Variants in AVEN observed in about 807,000 individuals in gnomAD.
AVEN encodes cell death regulator Aven.
A neutral mutation model predicts 38.1 loss-of-function variants in AVEN; 41 were observed. That is an observed-to-expected ratio of 1.08 (90% CI 0.84 to 1.40). AVEN has a LOEUF of 1.40. Among genes scored for constraint, AVEN ranks in the 40% most tolerant of loss-of-function variants. The probability of loss-of-function intolerance (pLI) is 0.00; values close to 1 mark genes in which losing one functional copy is unlikely to be tolerated. For missense variants in AVEN, 605 were observed against 438.8 expected, an observed-to-expected ratio of 1.38 and a Z score of -3.38; for synonymous variants, 206 against 171.8, an observed-to-expected ratio of 1.20 and a Z score of -1.56.
At chr15:33,857,945 ACCCACTGCGGGGCCACCCCG>A (rs750729799), downstream of AVEN, 12 of 1,461,390 alleles carry the variant, frequency 8.2e-6, no homozygotes, top group Admixed American at 1.2e-4. Context: ...GGGCCAGCCC[ACCCACTGCGGGGCCACCCCG>A]CCCCACCACC....
At chr15:33,896,593 C>A (rs1045988413) in intron 2 of AVEN, among the ~76,000 whole-genome samples, 3 of 152,120 alleles carry the variant, frequency 2.0e-5, no homozygotes, top group Non-Finnish European at 2.9e-5. Flanking sequence ...ACACCCACCA[C>A]GGCCAATTTC....
intron 5 of AVEN, among the ~76,000 whole-genome samples, chr15:34,050,865 C>T (rs1242931630): frequency 6.6e-6 from 1 of 152,152 alleles, no homozygotes; most frequent in Non-Finnish European, 1.5e-5. Flanking sequence ...TTCTTAGAGA[C>T]CTACAAAGAG....
downstream of AVEN, chr15:33,854,758 A>G (rs761999537): frequency 4.4e-6 from 7 of 1,592,434 alleles, no homozygotes; most frequent in Non-Finnish European, 6.0e-6. Flanking sequence ...GCTTTCTTCC[A>G]TTCCCAGTCC....
intron 2 of AVEN, among the ~76,000 whole-genome samples, chr15:33,953,819 C>T (rs1021786445): frequency 6.6e-6 from 1 of 152,150 alleles, no homozygotes; most frequent in Non-Finnish European, 1.5e-5. Flanking sequence ...GGCTTCTGCA[C>T]AGCAAAAGAA....
chr15:34,056,434 C>CT (rs1900152889), intron 5 of AVEN, among the ~76,000 whole-genome samples: 1 of 152,168 alleles, frequency 6.6e-6, no homozygotes, highest in South Asian at 2.1e-4. Context: ...CTGAGAAAGG[C>CT]TAGATAAGCT....
chr15:33,912,245 A>T (rs1892944598), intron 2 of AVEN, among the ~76,000 whole-genome samples: 1 of 152,048 alleles, frequency 6.6e-6, no homozygotes, highest in South Asian at 2.1e-4. Context: ...AAGAGGCATA[A>T]ATATTAGTGC....
At chr15:33,887,354 A>C (rs536520482) in intron 2 of AVEN, among the ~76,000 whole-genome samples, 164 of 152,300 alleles carry the variant, frequency 1.1e-3, no homozygotes, top group African/African-American at 3.8e-3. Flanking sequence ...CAGACTTCTC[A>C]AACTGGAATT....
chr15:33,970,353 T>C (rs1359273044), intron 2 of AVEN, among the ~76,000 whole-genome samples: 1 of 151,954 alleles, frequency 6.6e-6, no homozygotes, highest in East Asian at 1.9e-4. Context: ...TACAGAAACT[T>C]ACCTGTCATT....
chr15:34,008,648 C>T (rs1385492249), intron 1 of AVEN, among the ~76,000 whole-genome samples: 1 of 135,270 alleles, frequency 7.4e-6, no homozygotes, highest in Non-Finnish European at 1.5e-5. Context: ...GCCACCATGG[C>T]AGGCTAATTT....
chr15:33,961,678 T>C (rs1895181056), intron 2 of AVEN, among the ~76,000 whole-genome samples: 1 of 151,090 alleles, frequency 6.6e-6, no homozygotes. Flanking sequence ...CCGGGCGTGG[T>C]GGCGGGCACC....
intron 4 of AVEN, chr15:34,064,561 G>A (rs1056661721): frequency 3.6e-5 from 20 of 548,512 alleles, no homozygotes; most frequent in South Asian, 2.3e-4. Flanking sequence ...TGCCAATGAA[G>A]TAAAGGGATA....
downstream of AVEN, among the ~76,000 whole-genome samples, chr15:33,862,355 C>T (rs2153021446): frequency 7.1e-6 from 1 of 140,718 alleles, no homozygotes; most frequent in East Asian, 2.2e-4. Context: ...ACAGGTGTAC[C>T]ACTAATTTAG....
At chr15:33,960,038 G>A (rs1895103837) in intron 2 of AVEN, among the ~76,000 whole-genome samples, 1 of 152,144 alleles carries the variant, frequency 6.6e-6, no homozygotes. Context: ...GCAAGGCAAG[G>A]GCCTTGTCGG....
intron 2 of AVEN, among the ~76,000 whole-genome samples, chr15:33,958,055 A>G (rs1350715466): frequency 6.6e-6 from 1 of 152,232 alleles, no homozygotes; most frequent in East Asian, 1.9e-4. Context: ...CTAAATATTA[A>G]GAACCACTAT....
upstream of AVEN, among the ~76,000 whole-genome samples, chr15:34,042,701 C>T (rs1249811873): frequency 6.6e-6 from 1 of 152,028 alleles, no homozygotes; most frequent in Non-Finnish European, 1.5e-5. Context: ...CCGTGCCCGG[C>T]AACCTAAGTT....
chr15:33,982,221 G>C (rs554580418), intron 2 of AVEN, among the ~76,000 whole-genome samples: 1 of 152,034 alleles, frequency 6.6e-6, no homozygotes, highest in Admixed American at 6.6e-5. Context: ...TGCAGATGTA[G>C]AGCTGCATCT....
At chr15:33,947,139 G>T (rs1488336537) in intron 2 of AVEN, among the ~76,000 whole-genome samples, 1 of 152,068 alleles carries the variant, frequency 6.6e-6, no homozygotes. Context: ...TAAAGTAGAG[G>T]GTGTCCAAAG....
At chr15:34,011,704 T>C (rs1056972899) in intron 1 of AVEN, among the ~76,000 whole-genome samples, 1 of 152,056 alleles carries the variant, frequency 6.6e-6, no homozygotes, top group Non-Finnish European at 1.5e-5. Flanking sequence ...CTCACAGGCC[T>C]CTCATTCCAT....
In AVEN at chr15:34,068,035, G is replaced by A. The variant is rs545693124; in HGVS notation, n.785-1224C>T. On this transcript the variant is annotated intron_variant and non_coding_transcript_variant, in intron 2 of 11. Coordinates refer to the AVEN transcript ENST00000675287. The stretch of plus-strand genomic sequence containing the variant: ...ATCATTTAAAATTTACAGAAAAGTT[G>A]CAAGAGTAATAAGAAGAACTCCTAA... 3.9e-5 allele frequency among the ~76,000 whole-genome samples: 6 copies of A among 152,262 alleles called. No homozygotes were observed. The East Asian group carries it at 9.6e-4, about 24-fold the overall frequency.
Sources: allele counts gnomAD v4.1 joint callset (sites outside exome capture counted in the v4.1 genomes callset), GRCh38; gene constraint gnomAD v4.1.1; transcripts MANE v1.5; gene names NCBI Gene and HGNC (gene_info 2026-07-23, HGNC 2026-07-21).